Variants in GRID1 observed in about 807,000 individuals in gnomAD.
GRID1 encodes the protein glutamate receptor ionotropic, delta-1.
Under a neutral mutation model 98.0 loss-of-function variants are expected in GRID1, and 28 were observed. The observed-to-expected ratio is 0.29, with a 90% CI of 0.21 to 0.39. The LOEUF is 0.39. Ranked by LOEUF, GRID1 falls within the 10% of genes least tolerant of loss-of-function variation. GRID1 has a pLI of 1.00. For synonymous variants in GRID1, 553 were observed against 538.5 expected, an observed-to-expected ratio of 1.03 and a Z score of -0.37; for missense variants, 1,111 against 1,340.5, an observed-to-expected ratio of 0.83 and a Z score of 2.67.
intron 10 of GRID1, 28 bp from the exon 11 acceptor site, chr10:85,724,704 C>T (rs376512461): frequency 9.1e-5 from 144 of 1,575,676 alleles, no homozygotes; most frequent in Admixed American, 3.2e-4. Context: ...CTCATTTAGA[C>T]GGCAGTCCTC....
At chr10:85,993,498 C>G (rs1473708472) in intron 4 of GRID1, among the ~76,000 whole-genome samples, 1 of 152,096 alleles carries the variant, frequency 6.6e-6, no homozygotes, top group Non-Finnish European at 1.5e-5. Context: ...TGTTGGAAAC[C>G]CACTGGTCCT....
Position 85,728,023 on chromosome 10 carries a change from G to A in GRID1, c.1365C>T (p.Asn455=), listed in dbSNP as rs1841781939. Residue 455 remains asparagine (N), a synonymous_variant, in exon 10 of 16, where the codon AAC becomes AAT. Transcript: ENST00000327946. The part of the protein sequence containing the change: ...LEEPFVMVAE[N]ILGQPKRYKG... ...TGTAGCGCTTGGGCTGTCCTAGGAT[G>A]TTCTCAGCCACCATCACGAAAGGCT... The A allele has an allele frequency of 6.2e-7, 1 of 1,613,494 alleles. No homozygotes were observed. The highest frequency in any genetic ancestry group is 8.5e-7 in the Non-Finnish European group (1 of 1,179,478).
At chr10:85,948,571 C>T (rs1403779916) in intron 4 of GRID1, among the ~76,000 whole-genome samples, 1 of 152,176 alleles carries the variant, frequency 6.6e-6, no homozygotes, top group Non-Finnish European at 1.5e-5. Context: ...ATGAACCTAT[C>T]TTTTAGAGGT....
At chr10:86,026,592 C>T (rs1426591339) in intron 4 of GRID1, among the ~76,000 whole-genome samples, 1 of 152,176 alleles carries the variant, frequency 6.6e-6, no homozygotes, top group African/African-American at 2.4e-5. Flanking sequence ...ACCAAGTCAA[C>T]TATGTCAGTG....
intron 4 of GRID1, among the ~76,000 whole-genome samples, chr10:86,032,380 G>T (rs1214935374): frequency 6.6e-6 from 1 of 152,194 alleles, no homozygotes; most frequent in African/African-American, 2.4e-5. Context: ...TTTGTCGAGT[G>T]TAAGGGGGGG....
At chr10:86,170,658 C>A (rs538748260) in intron 3 of GRID1, among the ~76,000 whole-genome samples, 2 of 152,212 alleles carry the variant, frequency 1.3e-5, no homozygotes, top group African/African-American at 4.8e-5. Context: ...CCTACACACA[C>A]AAACACACCC....
At chr10:85,800,779 C>CT (rs1373636663) in intron 8 of GRID1, among the ~76,000 whole-genome samples, 1 of 152,016 alleles carries the variant, frequency 6.6e-6, no homozygotes, top group African/African-American at 2.4e-5. Context: ...CAGTTATTAA[C>CT]TCTTCTAATC....
intron 4 of GRID1, among the ~76,000 whole-genome samples, chr10:85,975,350 T>G (rs1272961350): frequency 6.6e-6 from 1 of 152,204 alleles, no homozygotes; most frequent in African/African-American, 2.4e-5. Flanking sequence ...TGGCTGACTG[T>G]GGGGAACTGA....
chr10:86,158,843 C>T (rs946104485), intron 3 of GRID1, among the ~76,000 whole-genome samples: 14 of 152,218 alleles, frequency 9.2e-5, no homozygotes, highest in South Asian at 4.2e-4. Context: ...AGTGTAAAGC[C>T]GAGGTTGAAT....
In GRID1 at chr10:86,324,812, CT is replaced by C. The variant is rs552225989; in HGVS notation, c.235+39128del. ...TGAGATTTTTTTCATCATGACATAA[CT>C]TTTTTTTTTGACATAACTTTTTACA... On this transcript the variant is annotated intron_variant, in intron 2 of 15. Transcript: ENST00000327946. Among the ~76,000 whole-genome samples, 174 of 148,886 alleles carry C rather than the reference CT, an allele frequency of 1.2e-3. 1 individual carries two copies. Among genetic ancestry groups the C allele is most frequent in the African/African-American group, 3.1e-3 (127 of 40,694 alleles).
At chr10:85,979,336 G>T (rs1842514127) in intron 4 of GRID1, among the ~76,000 whole-genome samples, 3 of 152,146 alleles carry the variant, frequency 2.0e-5, no homozygotes, top group African/African-American at 7.2e-5. Flanking sequence ...AGAGATGAGG[G>T]TGTGTTCATT....
intron 8 of GRID1, among the ~76,000 whole-genome samples, chr10:85,747,050 T>G (rs1354915539): frequency 6.6e-6 from 1 of 152,120 alleles, no homozygotes; most frequent in Non-Finnish European, 1.5e-5. Flanking sequence ...AATATCTCAT[T>G]TGAGTGTCAC....
chr10:86,265,338 G>T (rs1258648538), intron 2 of GRID1, among the ~76,000 whole-genome samples: 2 of 152,274 alleles, frequency 1.3e-5, no homozygotes, highest in African/African-American at 4.8e-5. Flanking sequence ...CTGAATTTCA[G>T]CAGCATTTGA....
At chr10:86,227,137 C>A (rs1369724579) in intron 2 of GRID1, among the ~76,000 whole-genome samples, 1 of 152,228 alleles carries the variant, frequency 6.6e-6, no homozygotes, top group Non-Finnish European at 1.5e-5. Flanking sequence ...TCTACCAGGG[C>A]AGCTTCCCAG....
intron 4 of GRID1, among the ~76,000 whole-genome samples, chr10:86,098,709 C>T (rs191587905): frequency 7.9e-5 from 12 of 152,304 alleles, no homozygotes; most frequent in Admixed American, 2.0e-4. Flanking sequence ...TGGTGAAAAA[C>T]GGCATCCTGT....
At chr10:85,708,195 G>A (rs1476130065) in intron 12 of GRID1, among the ~76,000 whole-genome samples, 4 of 150,474 alleles carry the variant, frequency 2.7e-5, no homozygotes, top group Non-Finnish European at 4.4e-5. Flanking sequence ...ACGAGGTCAG[G>A]AGATCGAGAC....
At chr10:85,855,935 G>C (rs1446185297) in intron 7 of GRID1, 94 bp downstream of exon 7, 4 of 1,130,886 alleles carry the variant, frequency 3.5e-6, no homozygotes, top group Non-Finnish European at 5.2e-6. Flanking sequence ...GCCACACAGA[G>C]CCTAGCTTCA....
chr10:85,905,744 C>CT (rs1841452270), intron 5 of GRID1, among the ~76,000 whole-genome samples: 1 of 151,820 alleles, frequency 6.6e-6, no homozygotes, highest in South Asian at 2.1e-4. Flanking sequence ...AACTACTAAA[C>CT]TTTTTTAAAA....
rs111814324 is a variant in GRID1 at position 85,842,194 on chromosome 10, G to C, written c.1233+12302C>G. On this transcript the variant is annotated intron_variant, in intron 8 of 15. Coordinates refer to ENST00000327946, the MANE Select transcript of GRID1 (RefSeq NM_017551.3). ...TTGCAAGGACATGGTTGGAGCTGGA[G>C]GCCATTATCCTTAGCAGAATAGAAA... 3.9e-5 allele frequency among the ~76,000 whole-genome samples: 6 copies of C among 152,132 alleles called. 1 individual carries two copies. The highest frequency in any genetic ancestry group is 1.4e-4 in the African/African-American group (6 of 41,546).
Sources: gnomAD v4.1 joint callset for allele counts (sites outside exome capture counted in the v4.1 genomes callset) on GRCh38, gnomAD v4.1.1 for gene constraint, MANE v1.5 for transcripts, NCBI Gene and HGNC (gene_info 2026-07-23, HGNC 2026-07-21) for gene names.